The following MZT2B variants were observed in gnomAD, a reference collection of about 807,000 sequenced individuals.
MZT2B encodes the protein mitotic-spindle organizing protein 2B.
A neutral mutation model predicts 12.1 loss-of-function variants in MZT2B; 11 were observed. The observed-to-expected ratio is 0.91, with a 90% confidence interval of 0.57 to 1.50. The LOEUF is 1.50. Among genes scored for constraint, MZT2B ranks in the 40% most tolerant of loss-of-function variants. MZT2B has a pLI of 0.00. For synonymous variants in MZT2B, 85 were observed against 109.5 expected (o/e 0.78, Z 1.40); for missense variants, 209 against 227.7 (o/e 0.92, Z 0.53).
downstream of MZT2B, chr2:130,191,727 G>C: frequency 1.3e-6 from 2 of 1,529,332 alleles, no homozygotes; most frequent in South Asian, 2.6e-5. Context: ...GAGCTAAGCT[G>C]CATGACACTC....
the MZT2B span, chr2:130,202,548 C>A: frequency 9.9e-7 from 1 of 1,007,380 alleles, no homozygotes; most frequent in Non-Finnish European, 1.3e-6. Context: ...CACTCATGGA[C>A]TGTCCCTGCT....
intron 2 of MZT2B, among the ~76,000 whole-genome samples, chr2:130,186,515 G>A (rs114592060): frequency 0.043 from 6,571 of 152,306 alleles, 208 homozygotes; most frequent in Non-Finnish European, 0.065. Context: ...ATGACGTTTG[G>A]AGTGTGGAAG....
upstream of MZT2B, chr2:130,182,125 C>T: frequency 7.8e-7 from 1 of 1,275,842 alleles, no homozygotes; most frequent in East Asian, 3.6e-5. Flanking sequence ...AACTGTTGGG[C>T]TTCAATGACG....
Position 130,184,426 on chromosome 2 carries a change from C to A in MZT2B, c.319+1651C>A, listed in dbSNP as rs1419319738. The A allele has an allele frequency of 2.0e-6, 2 of 985,342 alleles. 1 individual carries two copies. The highest frequency in any genetic ancestry group is 3.5e-5 in the African/African-American group (2 of 57,246). The allele number at this position is 985,342 out of a possible 1,614,324, so 61.0% of individuals were successfully genotyped here. A position where few individuals can be genotyped will look rare whatever the true frequency, so the allele number is the denominator to read the frequency against. On this transcript the variant is annotated intron_variant, in intron 2 of 2. Transcript: ENST00000281871. ...GTGCCACACAGATGCCATATGCTGGCCCCGTGGCCACACTCCAGCACTCAG... is the reference window on the plus strand; with the variant it reads ...GTGCCACACAGATGCCATATGCTGGACCCGTGGCCACACTCCAGCACTCAG...
chr2:130,204,781 T>G, the MZT2B span, among the ~76,000 whole-genome samples: 1 of 151,972 alleles, frequency 6.6e-6, no homozygotes, highest in East Asian at 1.9e-4. Flanking sequence ...TAATAAAACA[T>G]CTTTGAAAAC....
chr2:130,193,335 G>A (rs1332927128), downstream of MZT2B, among the ~76,000 whole-genome samples: 5 of 152,014 alleles, frequency 3.3e-5, no homozygotes, highest in Non-Finnish European at 7.3e-5. Flanking sequence ...TGACCTGGGC[G>A]CAGTGGCTCA....
chr2:130,181,860 C>A (rs773253705), upstream of MZT2B: 17 of 1,535,134 alleles, frequency 1.1e-5, no homozygotes, highest in East Asian at 5.0e-5. Context: ...AGTGCCCCCC[C>A]CTTCCCCCCG....
chr2:130,190,041 T>G (rs1433849856), intron 2 of MZT2B, among the ~76,000 whole-genome samples: 4 of 152,210 alleles, frequency 2.6e-5, no homozygotes, highest in Admixed American at 6.5e-5. Flanking sequence ...AGCTCAGATG[T>G]GCAGTCCAGC....
chr2:130,190,555 C>T lies in MZT2B; in HGVS notation c.406C>T (p.Arg136Cys), dbSNP rs532057442. ...CGAAGGATCCAGCCAGAGGATGCCA[C>T]GCCAGCCCAGCGCTACCAGGCTGCC... ...SREGSSQRMP[R>C]QPSATRLPKG... Residue 136 changes from arginine to cysteine, a missense_variant, in exon 3 of 3, where the codon CGC (arginine) becomes TGC (cysteine). Physicochemically the swap from Arg to Cys is radical, Grantham distance 180. Transcript: ENST00000281871. 14 of 1,613,742 alleles carry T rather than the reference C, an allele frequency of 8.7e-6. No homozygotes were observed. The highest frequency in any genetic ancestry group is 5.0e-5 in the Admixed American group (3 of 60,016).
rs1689845704 is a variant in MZT2B, at chr2:130,183,056, A to C, written c.319+281A>C. The C allele has an allele frequency of 5.4e-6, 3 of 558,312 alleles. No individual in the cohort carries two copies. In the South Asian group the frequency reaches 6.7e-5, roughly 12 times the overall value. 34.6% of individuals were successfully genotyped at this position (558,312 alleles called of 1,614,324 possible). Reference sequence around the variant, plus strand: ...CCTCCACCTCTTCACTCAGGCCTTCATCCTACAACGTCGGGAATCAAGACA... The same window carrying C: ...CCTCCACCTCTTCACTCAGGCCTTCCTCCTACAACGTCGGGAATCAAGACA... On this transcript the variant is annotated intron_variant, in intron 2 of 2. Coordinates refer to ENST00000281871, the MANE Select transcript of MZT2B (RefSeq NM_025029.5).
intron 2 of MZT2B, among the ~76,000 whole-genome samples, chr2:130,187,418 GC>G (rs1450405703): frequency 6.6e-6 from 1 of 152,128 alleles, no homozygotes; most frequent in Non-Finnish European, 1.5e-5. Flanking sequence ...CTAGCTTCTG[GC>G]CTCAAAGGAT....
the MZT2B span, among the ~76,000 whole-genome samples, chr2:130,198,007 GGCTCCTGCA>G: frequency 1.6e-5 from 2 of 123,358 alleles, 1 homozygote; most frequent in Non-Finnish European, 3.6e-5. Context: ...CGTCACCGAA[GGCTCCTGCA>G]GCTCCTCAGC....
the MZT2B span, among the ~76,000 whole-genome samples, chr2:130,199,214 A>C: frequency 2.6e-5 from 3 of 114,516 alleles, no homozygotes; most frequent in Non-Finnish European, 5.7e-5. Context: ...ACTCTGTCTC[A>C]AAAAAAAAAG....
intron 2 of MZT2B, among the ~76,000 whole-genome samples, chr2:130,186,369 C>T (rs1690064822): frequency 6.6e-6 from 1 of 152,162 alleles, no homozygotes; most frequent in Non-Finnish European, 1.5e-5. Context: ...AATAGAAAAC[C>T]CCAGAAGCAC....
At chr2:130,182,973 A>G in intron 2 of MZT2B, 198 bp downstream of exon 2, 1 of 855,626 alleles carries the variant, frequency 1.2e-6, no homozygotes, top group South Asian at 1.8e-5. Context: ...GGTCAGGTGG[A>G]CGCAGAGTGC....
downstream of MZT2B, chr2:130,194,956 G>A (rs1690367976): frequency 1.0e-5 from 16 of 1,531,626 alleles, no homozygotes; most frequent in South Asian, 5.0e-5. Context: ...GGGATTACAC[G>A]TGTGAGCCAC....
the MZT2B span, among the ~76,000 whole-genome samples, chr2:130,201,706 A>G: frequency 5.3e-5 from 8 of 152,156 alleles, no homozygotes; most frequent in Non-Finnish European, 4.4e-5. Context: ...CGCATCCTTC[A>G]GCGGCTGGGA....
chr2:130,194,779 G>A (rs141186908), downstream of MZT2B, among the ~76,000 whole-genome samples: 1,909 of 152,240 alleles, frequency 0.013, 58 homozygotes, highest in African/African-American at 0.044. Context: ...CCGAGTTCAA[G>A]CAATTCTTCT....
chr2:130,192,243 C>G, downstream of MZT2B: 1 of 1,409,098 alleles, frequency 7.1e-7, no homozygotes, highest in South Asian at 1.4e-5. Context: ...GCTCAGTTCA[C>G]CTCACAAACG....
Sources: gnomAD v4.1 joint callset for allele counts (sites outside exome capture counted in the v4.1 genomes callset) on GRCh38, gnomAD v4.1.1 for gene constraint, MANE v1.5 for transcripts, NCBI Gene and HGNC (gene_info 2026-07-23, HGNC 2026-07-21) for gene names.